The following USP31 variants were observed in gnomAD, a reference collection of about 807,000 sequenced individuals.
USP31 encodes ubiquitin specific peptidase 31, also known as ubiquitin carboxyl-terminal hydrolase 31.
USP31 carries 44 observed loss-of-function variants against 119.4 expected under a neutral mutation model. The ratio of observed to expected loss-of-function variants is 0.37; its 90% CI spans 0.29 to 0.47. USP31 has a LOEUF of 0.47. Among genes scored for constraint, USP31 ranks in the 20% least tolerant of loss-of-function variants. The pLI is 0.99. For missense variants in USP31, 1,643 were observed against 1,730.2 expected, an observed-to-expected ratio of 0.95 and a Z score of 0.89; for synonymous variants, 749 against 705.6, an observed-to-expected ratio of 1.06 and a Z score of -0.97.
At chr16:23,117,535 T>C (rs1267469840) in intron 1 of USP31, among the ~76,000 whole-genome samples, 1 of 151,902 alleles carries the variant, frequency 6.6e-6, no homozygotes, top group Non-Finnish European at 1.5e-5. Context: ...AAGGGAGAAA[T>C]AGTGAAAGGA....
chr16:23,073,326 A>T (rs1350887576), intron 14 of USP31, among the ~76,000 whole-genome samples: 3 of 152,114 alleles, frequency 2.0e-5, no homozygotes, highest in Non-Finnish European at 4.4e-5. Context: ...GCTTACGATG[A>T]CCCCATGAGG....
chr16:23,088,947 A>C, intron 7 of USP31, among the ~76,000 whole-genome samples: 1 of 152,258 alleles, frequency 6.6e-6, no homozygotes, highest in East Asian at 1.9e-4. Context: ...ACCAGTTTCC[A>C]ACAACTATCA....
chr16:23,079,380 A>G (rs1900717949), intron 13 of USP31: 1 of 152,196 alleles, frequency 6.6e-6, no homozygotes, highest in African/African-American at 2.4e-5. Context: ...AAACAAAAAG[A>G]AAAACCCTTC....
In USP31 at chr16:23,063,199, C is replaced by G. The variant is rs551371039; in HGVS notation, c.*4847G>C. ...ATACATGTGTGAGATTCAAAAAAGT[C>G]TCTCAAATTTGCTGTGCACCCCTTC... On this transcript the variant is annotated 3_prime_UTR_variant, in exon 16 of 16. Coordinates refer to ENST00000219689, the MANE Select transcript of USP31 (RefSeq NM_020718.4). 6.6e-6 allele frequency: 1 copy of G among 152,222 alleles called. No individual in the cohort carries two copies. The highest frequency in any genetic ancestry group is 1.9e-4 in the East Asian group (1 of 5,202). 9.4% of individuals were successfully genotyped at this position (152,222 alleles called of 1,614,324 possible).
At chr16:23,074,234 C>T (rs1227649266) in intron 13 of USP31, among the ~76,000 whole-genome samples, 1 of 152,066 alleles carries the variant, frequency 6.6e-6, no homozygotes, top group Non-Finnish European at 1.5e-5. Flanking sequence ...AGAGGTGCTA[C>T]TGGCATCTAG....
chr16:23,148,108 T>C (rs748370820), intron 1 of USP31, among the ~76,000 whole-genome samples: 14 of 152,178 alleles, frequency 9.2e-5, no homozygotes, highest in Non-Finnish European at 1.8e-4. Flanking sequence ...GGTTGAACCC[T>C]ATAAAAGTGC....
chr16:23,126,086 C>T (rs918097865), intron 1 of USP31, among the ~76,000 whole-genome samples: 1 of 151,780 alleles, frequency 6.6e-6, no homozygotes, highest in African/African-American at 2.4e-5. Flanking sequence ...GAGGCCGAGA[C>T]GTGAGGATCA....
intron 2 of USP31, 26 bp from the exon 3 acceptor site, chr16:23,106,513 C>T: frequency 6.3e-7 from 1 of 1,580,720 alleles, no homozygotes; most frequent in Non-Finnish European, 8.6e-7. Flanking sequence ...AGTACAACTT[C>T]ACAGACTAGA....
chr16:23,133,050 GC>G (rs1192085848), intron 1 of USP31, among the ~76,000 whole-genome samples: 1 of 152,168 alleles, frequency 6.6e-6, no homozygotes, highest in Non-Finnish European at 1.5e-5. Flanking sequence ...GCATGTGACT[GC>G]CCCCCTACAG....
At chr16:23,072,816 T>G (rs1485088188) in intron 14 of USP31, among the ~76,000 whole-genome samples, 1 of 152,120 alleles carries the variant, frequency 6.6e-6, no homozygotes, top group Non-Finnish European at 1.5e-5. Flanking sequence ...GAAGGTGTCA[T>G]TTCTGAGCAC....
chr16:23,114,705 G>A (rs1902436416), intron 1 of USP31, among the ~76,000 whole-genome samples: 3 of 152,128 alleles, frequency 2.0e-5, no homozygotes, highest in African/African-American at 7.2e-5. Context: ...TCAACAACAT[G>A]TTTGTTGGGC....
intron 10 of USP31, 148 bp downstream of exon 10, chr16:23,085,437 G>A (rs921934154): frequency 2.8e-6 from 2 of 716,064 alleles, no homozygotes; most frequent in Non-Finnish European, 4.6e-6. Context: ...ATAATAAACT[G>A]CTTAAATAAA....
At chr16:23,122,083 CA>C (rs1220219300) in intron 1 of USP31, among the ~76,000 whole-genome samples, 3 of 152,146 alleles carry the variant, frequency 2.0e-5, no homozygotes, top group African/African-American at 4.8e-5. Flanking sequence ...TATGCACACA[CA>C]GGGGAGGGGA....
Position 23,148,100 on chromosome 16 carries a change from T to G in USP31, c.633+538A>C, listed in dbSNP as rs1903579738. On this transcript the variant is annotated intron_variant, in intron 1 of 15. Transcript: ENST00000219689. ...ATATGGAAGTATTTTACTTATCAGG[T>G]TGAACCCTATAAAAGTGCCAATCTG... 2.6e-5 allele frequency among the ~76,000 whole-genome samples: 4 copies of G among 152,288 alleles called. No homozygotes were observed. The South Asian group carries it at 8.3e-4, about 32-fold the overall frequency.
intron 1 of USP31, among the ~76,000 whole-genome samples, chr16:23,121,930 A>T: frequency 6.6e-6 from 1 of 152,210 alleles, no homozygotes; most frequent in East Asian, 1.9e-4. Flanking sequence ...TACAACCAGA[A>T]GCCATCTACA....
rs1396843525 is a variant in USP31, at chr16:23,080,106, T to C, written c.2016A>G (p.Thr672=). 6.2e-7 allele frequency: 1 copy of C among 1,610,838 alleles called. No individual in the cohort carries two copies. ...VKFPLTGLDM[T]PHVVKRSQSS... The stretch of plus-strand genomic sequence containing the variant: ...TCTGGCTCCTCTTAACCACGTGAGG[T>C]GTCATGTCCAGGCCAGTCAAGGGGA... Residue 672 remains threonine (T), a synonymous_variant, in exon 13 of 16, where the codon ACA becomes ACG. Transcript: ENST00000219689.
Position 23,115,513 on chromosome 16 carries a change from TAGAAA to T in USP31, c.634-7335_634-7331del, listed in dbSNP as rs777363671. 4.0e-5 allele frequency among the ~76,000 whole-genome samples: 6 copies of T among 151,896 alleles called. No homozygotes were observed. In the East Asian group the frequency reaches 7.8e-4, roughly 20 times the overall value. ...CTATTTAAAATAAATAAAAAGAAAA[TAGAAA>T]AGAAAAGAAAAAATAGAACATGCAC... On this transcript the variant is annotated intron_variant, in intron 1 of 15. Coordinates refer to ENST00000219689, the MANE Select transcript of USP31 (RefSeq NM_020718.4).
chr16:23,112,232 A>C (rs994456140), intron 1 of USP31, among the ~76,000 whole-genome samples: 14 of 152,194 alleles, frequency 9.2e-5, no homozygotes, highest in Admixed American at 6.5e-4. Flanking sequence ...CTAAATCACC[A>C]AATTCAAGTG....
chr16:23,064,436 C>A lies in USP31; in HGVS notation c.*3610G>T, dbSNP rs750748250. 6.6e-6 allele frequency: 1 copy of A among 152,148 alleles called. No individual in the cohort carries two copies. Among genetic ancestry groups the A allele is most frequent in the African/African-American group, 2.4e-5 (1 of 41,418 alleles). The allele number at this position is 152,148 out of a possible 1,614,324, so 9.4% of individuals were successfully genotyped here. A position where few individuals can be genotyped will look rare whatever the true frequency, so the allele number is the denominator to read the frequency against. On this transcript the variant is annotated 3_prime_UTR_variant, in exon 16 of 16. Transcript: ENST00000219689. ...CATGATAGTTATTTTAAGGGAATGACAATGTTCCCCTCAAATCCCACATCC... is the reference window on the plus strand; with the variant it reads ...CATGATAGTTATTTTAAGGGAATGAAAATGTTCCCCTCAAATCCCACATCC...
Sources: gnomAD v4.1 joint callset for allele counts (sites outside exome capture counted in the v4.1 genomes callset) on GRCh38, gnomAD v4.1.1 for gene constraint, MANE v1.5 for transcripts, NCBI Gene and HGNC (gene_info 2026-07-23, HGNC 2026-07-21) for gene names.